Variants in BRD9 observed in about 807,000 individuals in gnomAD.
BRD9 encodes bromodomain-containing protein 9.
Under a neutral mutation model 68.7 loss-of-function variants are expected in BRD9, and 47 were observed. The observed-to-expected ratio is 0.68, with a 90% CI of 0.54 to 0.87. BRD9 has a LOEUF of 0.87. BRD9 is among the 40% of genes least tolerant of loss of function. The pLI is 0.00. For missense variants in BRD9, 670 were observed against 748.4 expected, an observed-to-expected ratio of 0.90 and a Z score of 1.22; for synonymous variants, 313 against 293.9, an observed-to-expected ratio of 1.06 and a Z score of -0.67.
At chr5:887,882 A>G (rs1201036672) in intron 5 of BRD9, among the ~76,000 whole-genome samples, 1 of 152,240 alleles carries the variant, frequency 6.6e-6, no homozygotes, top group Admixed American at 6.5e-5. Context: ...TTCTCCACAG[A>G]ATCGAATTTA....
Position 876,118 on chromosome 5 carries a change from G to T in BRD9, c.1366C>A (p.Leu456Ile), listed in dbSNP as rs752803097. The stretch of plus-strand genomic sequence containing the variant: ...CAGCCCACCTGCTTCAGCTGGAAGA[G>T]CGTCCTAGAGTGGTCTCCGCCTGTG... ...QITGGDHSRTLFQLKQRRNVP... is the reference protein window; with the variant it reads ...QITGGDHSRTIFQLKQRRNVP... Residue 456 changes from leucine (L) to isoleucine (I), a missense_variant, in exon 12 of 16, where the codon CTC (leucine) becomes ATC (isoleucine). Transcript: ENST00000467963. 9 of 1,612,578 alleles carry T rather than the reference G, an allele frequency of 5.6e-6. No individual in the cohort carries two copies. The South Asian group carries it at 9.9e-5, about 18-fold the overall frequency.
Position 880,532 on chromosome 5 carries a change from G to A in BRD9, c.1042+575C>T, listed in dbSNP as rs1428758237. ...GAGCGAGGGAAGCAGGAATCTAGAG[G>A]CAACCCGTGCCAGGCTGCACGTTCC... On this transcript the variant is annotated intron_variant, in intron 9 of 15. Transcript: ENST00000467963. 5.3e-5 allele frequency among the ~76,000 whole-genome samples: 8 copies of A among 152,048 alleles called. No homozygotes were observed. The South Asian group carries it at 1.4e-3, about 28-fold the overall frequency.
Position 883,922 on chromosome 5 carries a change from G to A in BRD9, c.966+16C>T, listed in dbSNP as rs1315992629. The A allele has an allele frequency of 6.2e-7, 1 of 1,606,756 alleles. No homozygotes were observed. Among genetic ancestry groups the A allele is most frequent in the East Asian group, 2.2e-5 (1 of 44,806 alleles). On this transcript the variant is annotated intron_variant, in intron 8 of 15. Coordinates refer to ENST00000467963, the MANE Select transcript of BRD9 (RefSeq NM_023924.5). ...GGGCCACGTGGCACCCTCTCTCGGT[G>A]GCCACAGAGCACTACCTTGCCGCCT...
At position 878,386 on chromosome 5, in the gene BRD9, C is replaced by G; in HGVS notation, c.1240G>C (p.Gly414Arg). 6.2e-7 allele frequency: 1 copy of G among 1,614,218 alleles called. No homozygotes were observed. Among genetic ancestry groups the G allele is most frequent in the Non-Finnish European group, 8.5e-7 (1 of 1,180,050 alleles). The stretch of plus-strand genomic sequence containing the variant: ...GCACACTGCACGCCTGTCTCATCTC[C>G]GTAGGCTGAGTAGAGCAGCTCCATC... ...DEMELLYSAY[G>R]DETGVQCALS... The change falls in exon 11 of 16, where the codon GGA (glycine) becomes CGA (arginine). Residue 414 changes from glycine (G) to arginine (R), a missense_variant. Gly to Arg is a moderately radical substitution (Grantham distance 125, BLOSUM62 -2). Around this residue, in one of 5 missense-constraint regions of BRD9, gnomAD observed 280 missense variants for 281.5 expected, o/e 0.99. Coordinates refer to ENST00000467963, the MANE Select transcript of BRD9 (RefSeq NM_023924.5).
In BRD9 at chr5:891,632, T is replaced by C. The variant is rs2010401739; in HGVS notation, c.267+8A>G. The C allele has an allele frequency of 6.4e-6, 10 of 1,550,690 alleles. No homozygotes were observed. Among genetic ancestry groups the C allele is most frequent in the Non-Finnish European group, 8.7e-6 (10 of 1,146,950 alleles). On this transcript the variant is annotated splice_region_variant and intron_variant, in intron 2 of 15. Transcript: ENST00000467963. Reference sequence around the variant, plus strand: ...GCAGCGTCCGGGCCACCGCCGCTGCTCCTTTACCTTTCGCTTCCTTCTTTC... The same window carrying C: ...GCAGCGTCCGGGCCACCGCCGCTGCCCCTTTACCTTTCGCTTCCTTCTTTC...
chr5:881,346 G>T, intron 8 of BRD9, 164 bp from the exon 9 acceptor site: 1 of 684,754 alleles, frequency 1.5e-6, no homozygotes, highest in Non-Finnish European at 2.5e-6. Context: ...AGACTCACCG[G>T]CAACAGCAGA....
rs557158947 is a variant in BRD9, at chr5:878,462, A to G, written c.1164T>C (p.Thr388=). Residue 388 remains threonine (T), a synonymous_variant, in exon 11 of 16, where the codon ACT becomes ACC. Transcript: ENST00000467963. ...CTGAATTATTCTGCATCGAAAGCGC[A>G]GTAGTGGCACTGGAGAGAAAGGTGA... is the stretch of plus-strand genomic sequence containing the variant. ...NKVTFLSSAT[T]ALSMQNNSVF... 8.7e-6 allele frequency: 14 copies of G among 1,614,260 alleles called. No homozygotes were observed. Among genetic ancestry groups the G allele is most frequent in the Non-Finnish European group, 1.1e-5 (13 of 1,180,050 alleles).
chr5:892,246 T>C (rs957312872), intron 1 of BRD9: 35 of 451,584 alleles, frequency 7.8e-5, no homozygotes, highest in Non-Finnish European at 1.2e-4. Flanking sequence ...CTGACACCCA[T>C]GGAGCTGCTG....
chr5:872,889 C>A (rs1750354534), intron 12 of BRD9, among the ~76,000 whole-genome samples: 1 of 152,138 alleles, frequency 6.6e-6, no homozygotes, highest in Admixed American at 6.5e-5. Flanking sequence ...AGCACTGTTC[C>A]CTGTAGAAAG....
At chr5:881,486 G>A (rs149636158) in intron 8 of BRD9, 15 of 440,772 alleles carry the variant, frequency 3.4e-5, no homozygotes, top group Middle Eastern at 6.5e-4. Flanking sequence ...AAAATGGAAC[G>A]GTCAGCAGGT....
Position 891,637 on chromosome 5 carries a change from T to TA in BRD9, c.267+2dup. On this transcript the variant is annotated splice_region_variant and intron_variant, in intron 2 of 15. Transcript: ENST00000467963. Reference sequence around the variant, plus strand: ...GTCCGGGCCACCGCCGCTGCTCCTTTACCTTTCGCTTCCTTCTTTCCTCAT... The same window carrying TA: ...GTCCGGGCCACCGCCGCTGCTCCTTTAACCTTTCGCTTCCTTCTTTCCTCAT... The TA allele has an allele frequency of 1.3e-6, 2 of 1,551,026 alleles. No individual in the cohort carries two copies. The highest frequency in any genetic ancestry group is 1.7e-6 in the Non-Finnish European group (2 of 1,146,976).
chr5:870,089 G>C (rs894599122), intron 14 of BRD9, among the ~76,000 whole-genome samples: 2 of 152,230 alleles, frequency 1.3e-5, no homozygotes, highest in African/African-American at 2.4e-5. Context: ...GAGGGGACCC[G>C]TGGGAAGGGG....
rs1332970254 is a variant in BRD9, at chr5:892,773, T to A, written c.-116A>T. The A allele has an allele frequency of 6.3e-6, 7 of 1,116,954 alleles. No individual in the cohort carries two copies. Among genetic ancestry groups the A allele is most frequent in the Non-Finnish European group, 7.9e-6 (7 of 886,506 alleles). 69.2% of individuals were successfully genotyped at this position (1,116,954 alleles called of 1,614,324 possible). A position where few individuals can be genotyped will look rare whatever the true frequency, so the allele number is the denominator to read the frequency against. On this transcript the variant is annotated 5_prime_UTR_variant, in exon 1 of 16. Coordinates refer to ENST00000467963, the MANE Select transcript of BRD9 (RefSeq NM_023924.5). ...CCGCCCGCGCTCGCTGCGCCGAGGTTGCCGAGCTCGCTGGGCCGCGCCGGA... is the reference window on the plus strand; with the variant it reads ...CCGCCCGCGCTCGCTGCGCCGAGGTAGCCGAGCTCGCTGGGCCGCGCCGGA...
At chr5:865,623 C>T (rs746803320) in intron 14 of BRD9, 42 bp from the exon 15 acceptor site, 15 of 1,552,504 alleles carry the variant, frequency 9.7e-6, no homozygotes, top group Middle Eastern at 1.7e-4. Flanking sequence ...TGAGCTCAGC[C>T]GGCCCGTCTA....
In BRD9 at chr5:883,953, G is replaced by T; in HGVS notation, c.951C>A (p.Phe317Leu). The part of the protein sequence containing the change: ...ADEARDRINR[F>L]LPGGKMGYLK... ...AGAGCACTACCTTGCCGCCTGGGAG[G>T]AACCGGTTGATCCTGTCCCGAGCTT... The change falls in exon 8 of 16, where the codon TTC becomes TTA. Residue 317 changes from phenylalanine (F) to leucine (L), a missense_variant. Around this residue, in one of 5 missense-constraint regions of BRD9, gnomAD observed 135 missense variants for 141.2 expected, o/e 0.96. Coordinates refer to ENST00000467963, the MANE Select transcript of BRD9 (RefSeq NM_023924.5). The T allele has an allele frequency of 6.2e-7, 1 of 1,612,538 alleles. No homozygotes were observed.
chr5:881,241 A>G (rs1329488741), intron 8 of BRD9, 59 bp from the exon 9 acceptor site: 2 of 1,520,874 alleles, frequency 1.3e-6, no homozygotes, highest in Non-Finnish European at 1.8e-6. Flanking sequence ...AGCACAAATG[A>G]AATGAAGACC....
chr5:869,416 A>G (rs1749816736), intron 14 of BRD9: 1 of 453,708 alleles, frequency 2.2e-6, no homozygotes, highest in Admixed American at 2.4e-5. Flanking sequence ...TGAGTATTTT[A>G]TCTCAAAATA....
At position 887,375 on chromosome 5, in the gene BRD9, T is replaced by C; in HGVS notation, c.703A>G (p.Lys235Glu). 3 of 1,612,880 alleles carry C rather than the reference T, an allele frequency of 1.9e-6. No homozygotes were observed. The highest frequency in any genetic ancestry group is 2.5e-6 in the Non-Finnish European group (3 of 1,178,918). ...GAGTTTCTTACTTTGCTCATCATCT[T>C]AAAGCCTGCGTGAAGGATCTTCTTC... ...LAKKILHAGFKMMSKQAALLG... is the reference protein window; with the variant it reads ...LAKKILHAGFEMMSKQAALLG... The change falls in exon 6 of 16, where the codon AAG becomes GAG. Residue 235 changes from lysine to glutamate, a missense_variant. Coordinates refer to ENST00000467963, the MANE Select transcript of BRD9 (RefSeq NM_023924.5).
At position 863,820 on chromosome 5, in the gene BRD9, C is replaced by G. The variant is rs1336463768; in HGVS notation, c.*648G>C. 6.6e-6 allele frequency: 1 copy of G among 152,344 alleles called. No homozygotes were observed. Among genetic ancestry groups the G allele is most frequent in the Non-Finnish European group, 1.5e-5 (1 of 68,100 alleles). The allele number at this position is 152,344 out of a possible 1,614,324, so 9.4% of individuals were successfully genotyped here. ...GAACACACTCCTTTCCCAGGCTCATCAATTAAACAGAAAACAGGGGAGCTC... is the reference window on the plus strand; with the variant it reads ...GAACACACTCCTTTCCCAGGCTCATGAATTAAACAGAAAACAGGGGAGCTC... On this transcript the variant is annotated 3_prime_UTR_variant, in exon 16 of 16. Coordinates refer to ENST00000467963, the MANE Select transcript of BRD9 (RefSeq NM_023924.5).
Sources: allele counts gnomAD v4.1 joint callset (sites outside exome capture counted in the v4.1 genomes callset), GRCh38; gene constraint gnomAD v4.1.1; regional missense constraint gnomAD v4.1.1; transcripts MANE v1.5; gene names NCBI Gene and HGNC (gene_info 2026-07-23, HGNC 2026-07-21).